The following PRR11 variants were observed in gnomAD, a reference collection of about 807,000 sequenced individuals.
PRR11 encodes proline rich 11.
A neutral mutation model predicts 45.6 loss-of-function variants in PRR11; 30 were observed. That is an observed-to-expected ratio of 0.66 (90% CI 0.49 to 0.89). The LOEUF (loss-of-function observed/expected upper bound fraction) is 0.89, where lower values mean the gene tolerates loss of function less well. Among genes scored for constraint, PRR11 ranks in the 40% least tolerant of loss-of-function variants. PRR11 has a pLI of 0.00. For synonymous variants in PRR11, 128 were observed against 153.5 expected (o/e 0.83, Z 1.23); for missense variants, 373 against 424.8 (o/e 0.88, Z 1.07).
chr17:59,176,692 T>C (rs1203398129), intron 2 of PRR11, among the ~76,000 whole-genome samples: 1 of 129,022 alleles, frequency 7.8e-6, no homozygotes, highest in African/African-American at 3.0e-5. Context: ...GGCTTTTTTT[T>C]TTTTTTTTTT....
chr17:59,181,871 A>G, intron 2 of PRR11: 1 of 1,408,376 alleles, frequency 7.1e-7, no homozygotes, highest in Non-Finnish European at 9.7e-7. Context: ...GGCTTCTCCA[A>G]GCCATCTTTC....
intron 1 of PRR11, among the ~76,000 whole-genome samples, chr17:59,167,456 A>C (rs2046685554): frequency 1.2e-4 from 19 of 152,322 alleles, no homozygotes; most frequent in Admixed American, 1.2e-3. Flanking sequence ...TCCAGACCCC[A>C]AAAGAGGATT....
intron 1 of PRR11, chr17:59,160,923 T>G (rs1326742028): frequency 6.6e-6 from 1 of 150,932 alleles, no homozygotes; most frequent in Non-Finnish European, 1.5e-5. Context: ...TTTCATACAG[T>G]TGGGACTCTC....
intron 1 of PRR11, among the ~76,000 whole-genome samples, chr17:59,163,409 T>G (rs2046663606): frequency 6.6e-6 from 1 of 152,242 alleles, no homozygotes; most frequent in African/African-American, 2.4e-5. Context: ...AAATATTGTT[T>G]AACAGCTTAA....
chr17:59,194,472 G>C (rs2046855343), intron 5 of PRR11, among the ~76,000 whole-genome samples: 1 of 152,022 alleles, frequency 6.6e-6, no homozygotes, highest in African/African-American at 2.4e-5. Flanking sequence ...GACTCCCGGG[G>C]AAGATGCAAT....
Position 59,205,638 on chromosome 17 carries a change from G to C in PRR11, c.*4007G>C, listed in dbSNP as rs1226508116. Among the ~76,000 whole-genome samples, 1 of 151,750 alleles carries C rather than the reference G, an allele frequency of 6.6e-6. No individual in the cohort carries two copies. The highest frequency in any genetic ancestry group is 6.6e-5 in the Admixed American group (1 of 15,220). ...GGCTTGAACCTGGGAGGCAGAGGTT[G>C]CAGTGAGCCGAGATCGCCCCATTGC... On this transcript the variant is annotated 3_prime_UTR_variant, in exon 10 of 10. Coordinates refer to ENST00000262293, the MANE Select transcript of PRR11 (RefSeq NM_018304.4).
intron 2 of PRR11, chr17:59,179,556 G>A: frequency 2.1e-6 from 3 of 1,418,496 alleles, no homozygotes; most frequent in East Asian, 2.8e-5. Context: ...CCCACTGGGG[G>A]CATATTTTTC....
intron 1 of PRR11, among the ~76,000 whole-genome samples, chr17:59,162,289 C>G (rs1239145773): frequency 6.6e-6 from 1 of 151,186 alleles, no homozygotes; most frequent in Non-Finnish European, 1.5e-5. Context: ...TGACTTAGTT[C>G]CTAGACATCT....
intron 2 of PRR11, among the ~76,000 whole-genome samples, chr17:59,171,579 C>T (rs1199630886): frequency 6.6e-6 from 1 of 151,998 alleles, no homozygotes; most frequent in Non-Finnish European, 1.5e-5. Context: ...CACAACTTTA[C>T]AGGAACAGTA....
At position 59,161,304 on chromosome 17, in the gene PRR11, G is replaced by T. The variant is rs1383613146; in HGVS notation, c.-6+5499G>T. 2.6e-5 allele frequency among the ~76,000 whole-genome samples: 4 copies of T among 151,602 alleles called. 1 individual carries two copies. Among genetic ancestry groups the T allele is most frequent in the Admixed American group, 1.3e-4 (2 of 15,196 alleles). ...TGCCTGTAGTCCCAGCTACTCGGGA[G>T]ACTGAGGCAGGAGAATCGCTTGAAC... On this transcript the variant is annotated intron_variant, in intron 1 of 9. Coordinates refer to ENST00000262293, the MANE Select transcript of PRR11 (RefSeq NM_018304.4).
intron 7 of PRR11, among the ~76,000 whole-genome samples, chr17:59,197,316 A>G (rs952359810): frequency 6.6e-5 from 10 of 150,948 alleles, no homozygotes; most frequent in Admixed American, 3.3e-4. Flanking sequence ...CAGTGGTGCA[A>G]TCTTTGCTCA....
At chr17:59,163,855 A>G (rs2147833577) in intron 1 of PRR11, among the ~76,000 whole-genome samples, 1 of 152,282 alleles carries the variant, frequency 6.6e-6, no homozygotes, top group East Asian at 1.9e-4. Flanking sequence ...TCTCGACGTC[A>G]GGAGTTCAAG....
intron 2 of PRR11, chr17:59,179,671 G>C: frequency 6.8e-7 from 1 of 1,477,784 alleles, no homozygotes; most frequent in South Asian, 1.1e-5. Flanking sequence ...TGAAAGTCTC[G>C]TGGTGCTCAG....
intron 2 of PRR11, among the ~76,000 whole-genome samples, chr17:59,176,596 CCTTTT>C (rs2046747075): frequency 6.6e-6 from 1 of 151,268 alleles, no homozygotes; most frequent in South Asian, 2.1e-4. Context: ...CTCCTTTGCT[CCTTTT>C]CTTCTCCCCT....
At chr17:59,193,868 G>A (rs559104759) in intron 5 of PRR11, 134 bp downstream of exon 5, 20 of 1,046,524 alleles carry the variant, frequency 1.9e-5, no homozygotes, top group South Asian at 5.0e-5. Flanking sequence ...TTCTGATTCC[G>A]TATCTTAATT....
At chr17:59,189,763 TC>T (rs1314908256) in intron 4 of PRR11, among the ~76,000 whole-genome samples, 1 of 152,248 alleles carries the variant, frequency 6.6e-6, no homozygotes, top group African/African-American at 2.4e-5. Context: ...TTTTTTGAAT[TC>T]CTATAATTTT....
At position 59,191,019 on chromosome 17, in the gene PRR11, C is replaced by T. The variant is rs1383903121; in HGVS notation, c.403-2473C>T. ...AGGGCTGGCTCCTACAGGATACATT[C>T]CTCAAGCTCCAGGTCACCTGGTTCC... On this transcript the variant is annotated intron_variant, in intron 4 of 9. Transcript: ENST00000262293. 2.0e-5 allele frequency among the ~76,000 whole-genome samples: 3 copies of T among 152,276 alleles called. No individual in the cohort carries two copies. In the East Asian group the frequency reaches 5.8e-4, roughly 29 times the overall value.
Position 59,199,304 on chromosome 17 carries a change from G to A in PRR11, c.1014+1515G>A, listed in dbSNP as rs976731567. Among the ~76,000 whole-genome samples the A allele has an allele frequency of 2.0e-5, 3 of 152,280 alleles. No homozygotes were observed. The East Asian group carries it at 5.8e-4, about 29-fold the overall frequency. ...GTTCCAGGCAAAAAGAACAAAATTC[G>A]TAAGAGTTCCATGGGGTGAGGGATC... On this transcript the variant is annotated intron_variant, in intron 9 of 9. Transcript: ENST00000262293.
intron 4 of PRR11, among the ~76,000 whole-genome samples, chr17:59,190,076 G>C (rs2046834082): frequency 6.6e-6 from 1 of 152,100 alleles, no homozygotes; most frequent in Admixed American, 6.6e-5. Flanking sequence ...TTCACCTCTA[G>C]TGTACACACT....
Sources: allele counts gnomAD v4.1 joint callset (sites outside exome capture counted in the v4.1 genomes callset), GRCh38; gene constraint gnomAD v4.1.1; transcripts MANE v1.5; gene names NCBI Gene and HGNC (gene_info 2026-07-23, HGNC 2026-07-21).